SAMD12: variants seen among roughly 807,000 people sequenced by gnomAD.
SAMD12 encodes the protein sterile alpha motif domain containing 12.
SAMD12 carries 9 observed loss-of-function variants against 15.0 expected under a neutral mutation model. The ratio of observed to expected loss-of-function variants is 0.60; its 90% CI spans 0.36 to 1.05. The LOEUF (loss-of-function observed/expected upper bound fraction) is 1.05, where lower values mean the gene tolerates loss of function less well. SAMD12 is among the 50% of genes least tolerant of loss of function. The pLI is 0.01. For missense variants in SAMD12, 230 were observed against 234.2 expected, an observed-to-expected ratio of 0.98 and a Z score of 0.12; for synonymous variants, 86 against 90.1, an observed-to-expected ratio of 0.96 and a Z score of 0.25.
the SAMD12 span, among the ~76,000 whole-genome samples, chr8:118,136,777 A>G: frequency 6.6e-6 from 1 of 152,228 alleles, no homozygotes; most frequent in Non-Finnish European, 1.5e-5. Context: ...CTGCTGTAAG[A>G]AAATGGCAGA....
At chr8:118,420,194 C>T (rs960567621) in intron 3 of SAMD12, among the ~76,000 whole-genome samples, 5 of 152,062 alleles carry the variant, frequency 3.3e-5, no homozygotes, top group Non-Finnish European at 7.4e-5. Flanking sequence ...GTACAAATTG[C>T]TAGAGAAAGA....
chr8:118,172,104 G>A, the SAMD12 span, among the ~76,000 whole-genome samples: 15 of 152,188 alleles, frequency 9.9e-5, no homozygotes, highest in South Asian at 2.1e-4. Context: ...GGGGCCTGTC[G>A]TGGGGTAGGG....
chr8:118,457,576 C>T (rs1443183688), intron 2 of SAMD12, among the ~76,000 whole-genome samples: 1 of 152,024 alleles, frequency 6.6e-6, no homozygotes, highest in Non-Finnish European at 1.5e-5. Context: ...CTTAACAAGC[C>T]AGACTGGTTA....
the SAMD12 span, among the ~76,000 whole-genome samples, chr8:118,175,143 CAT>C: frequency 1.3e-5 from 2 of 151,634 alleles, no homozygotes; most frequent in Non-Finnish European, 1.5e-5. Context: ...AAAACAGACA[CAT>C]AGACCCATGG....
intron 3 of SAMD12, among the ~76,000 whole-genome samples, chr8:118,436,386 T>G (rs912568243): frequency 1.3e-5 from 2 of 152,176 alleles, no homozygotes; most frequent in Admixed American, 6.6e-5. Context: ...ATGTCAAAGG[T>G]TGGTGTAGAG....
chr8:118,327,341 C>T (rs1020234577), intron 4 of SAMD12, among the ~76,000 whole-genome samples: 5 of 152,200 alleles, frequency 3.3e-5, no homozygotes, highest in Non-Finnish European at 7.3e-5. Context: ...CTCTGATCTC[C>T]TCTTCCGAGG....
Position 118,379,175 on chromosome 8 carries a change from G to C in SAMD12, c.*242C>G. On this transcript the variant is annotated 3_prime_UTR_variant, in exon 4 of 4. Transcript: ENST00000314727. ...TAAAGCGCCCTCACAATTGGCGCAG[G>C]TGAAGATAGCTACAGCTGGACTGTA... The C allele has an allele frequency of 8.0e-7, 1 of 1,242,594 alleles. No homozygotes were observed. Among genetic ancestry groups the C allele is most frequent in the Non-Finnish European group, 1.0e-6 (1 of 989,202 alleles). 77.0% of individuals were successfully genotyped at this position (1,242,594 alleles called of 1,614,324 possible).
intron 4 of SAMD12, among the ~76,000 whole-genome samples, chr8:118,354,225 A>G (rs559976320): frequency 1.3e-5 from 2 of 152,366 alleles, no homozygotes; most frequent in South Asian, 4.1e-4. Context: ...AAGGCATAAA[A>G]AAGTTAAACA....
At chr8:118,606,098 G>A (rs928351463) in intron 1 of SAMD12, among the ~76,000 whole-genome samples, 12 of 152,116 alleles carry the variant, frequency 7.9e-5, no homozygotes, top group Admixed American at 3.3e-4. Context: ...AGGAAAAAAC[G>A]AAAGGAACTT....
chr8:118,209,702 A>G (rs1819965079), intron 4 of SAMD12, among the ~76,000 whole-genome samples: 1 of 152,232 alleles, frequency 6.6e-6, no homozygotes, highest in Non-Finnish European at 1.5e-5. Context: ...CCAGATGTCC[A>G]AGACTACGAT....
chr8:118,275,990 A>G (rs1813465495), intron 4 of SAMD12, among the ~76,000 whole-genome samples: 1 of 152,172 alleles, frequency 6.6e-6, no homozygotes, highest in East Asian at 1.9e-4. Context: ...CCATGTCTTC[A>G]CTATTGTAAG....
chr8:118,495,273 C>A (rs1824576903), intron 2 of SAMD12, among the ~76,000 whole-genome samples: 1 of 152,148 alleles, frequency 6.6e-6, no homozygotes, highest in Non-Finnish European at 1.5e-5. Flanking sequence ...GAATCTTGGA[C>A]ATTAAGCAAG....
chr8:118,347,027 C>A (rs112614546), intron 4 of SAMD12, among the ~76,000 whole-genome samples: 2 of 152,154 alleles, frequency 1.3e-5, no homozygotes, highest in Non-Finnish European at 2.9e-5. Flanking sequence ...GCCTTAGTAC[C>A]CCTTTACCCC....
At chr8:118,443,738 T>C (rs1056750848) in intron 2 of SAMD12, among the ~76,000 whole-genome samples, 2 of 152,204 alleles carry the variant, frequency 1.3e-5, no homozygotes, top group Non-Finnish European at 2.9e-5. Flanking sequence ...GAGCTGACTT[T>C]GATTTGTTCT....
At chr8:118,486,774 G>GTT (rs1015897638) in intron 2 of SAMD12, among the ~76,000 whole-genome samples, 5 of 152,132 alleles carry the variant, frequency 3.3e-5, no homozygotes, top group African/African-American at 1.2e-4. Context: ...AAGATTTAAG[G>GTT]AAAGCAACAA....
intron 3 of SAMD12, among the ~76,000 whole-genome samples, chr8:118,425,565 A>G (rs553426296): frequency 6.6e-6 from 1 of 152,312 alleles, no homozygotes; most frequent in African/African-American, 2.4e-5. Flanking sequence ...TTTTTAAAAC[A>G]GGGACAACAG....
chr8:118,326,571 T>C (rs952686523), intron 4 of SAMD12, among the ~76,000 whole-genome samples: 1 of 152,194 alleles, frequency 6.6e-6, no homozygotes, highest in African/African-American at 2.4e-5. Flanking sequence ...TTTATCAATC[T>C]GTATATGAAT....
intron 2 of SAMD12, among the ~76,000 whole-genome samples, chr8:118,461,775 C>G (rs1272580083): frequency 6.6e-6 from 1 of 152,102 alleles, no homozygotes; most frequent in African/African-American, 2.4e-5. Flanking sequence ...TGAGTTTTCA[C>G]CTAAGAAATA....
chr8:118,541,796 G>A (rs548953589), intron 2 of SAMD12, among the ~76,000 whole-genome samples: 7 of 152,242 alleles, frequency 4.6e-5, no homozygotes, highest in East Asian at 1.9e-4. Context: ...ACAAAGGTAC[G>A]AATTGATCAA....
Sources: allele counts gnomAD v4.1 joint callset (sites outside exome capture counted in the v4.1 genomes callset), GRCh38; gene constraint gnomAD v4.1.1; transcripts MANE v1.5; gene names NCBI Gene and HGNC (gene_info 2026-07-23, HGNC 2026-07-21).